CDK14: variants seen among roughly 807,000 people sequenced by gnomAD.
The protein encoded by CDK14 is cyclin-dependent kinase 14.
In CDK14, 34 loss-of-function variants were observed where a neutral mutation model predicts 60.7. The observed-to-expected ratio is 0.56, with a 90% CI of 0.43 to 0.75. The LOEUF (loss-of-function observed/expected upper bound fraction) is 0.75. Ranked by LOEUF, CDK14 falls within the 30% of genes least tolerant of loss-of-function variation. CDK14 has a pLI of 0.00. For missense variants in CDK14, 482 were observed against 564.1 expected (o/e 0.85, Z 1.47); for synonymous variants, 197 against 203.7 (o/e 0.97, Z 0.28).
rs79125184 is a variant in CDK14 at position 91,147,316 on chromosome 7, A to G, written c.*28+29108A>G. 7.9e-3 allele frequency among the ~76,000 whole-genome samples: 1,195 copies of G among 151,932 alleles called. 16 individuals carry two copies. The highest frequency in any genetic ancestry group is 0.027 in the African/African-American group (1,126 of 41,434). Reference sequence around the variant, plus strand: ...TGTACTCTCTCTCTTACTCCGAGATAATTTTCAATATTAGAAAGAAAGTCC... The same window carrying G: ...TGTACTCTCTCTCTTACTCCGAGATGATTTTCAATATTAGAAAGAAAGTCC... On this transcript the variant is annotated intron_variant, in intron 14 of 14. Coordinates refer to ENST00000380050, the MANE Select transcript of CDK14 (RefSeq NM_001287135.2).
chr7:90,924,600 A>G (rs1463789505), intron 8 of CDK14, among the ~76,000 whole-genome samples: 1 of 152,214 alleles, frequency 6.6e-6, no homozygotes, highest in Non-Finnish European at 1.5e-5. Context: ...TAAATGAATT[A>G]TTGCAGTCTA....
intron 8 of CDK14, among the ~76,000 whole-genome samples, chr7:90,947,304 T>A (rs1198024784): frequency 1.3e-5 from 2 of 152,170 alleles, no homozygotes; most frequent in Admixed American, 1.3e-4. Flanking sequence ...TTGGATCTGC[T>A]GGTCTAGGCT....
chr7:91,202,576 G>C (rs1802765984), intron 14 of CDK14, among the ~76,000 whole-genome samples: 1 of 152,156 alleles, frequency 6.6e-6, no homozygotes. Flanking sequence ...TTCATCAAAT[G>C]CATGATTGCA....
chr7:90,970,156 G>A (rs1584182876), intron 9 of CDK14, among the ~76,000 whole-genome samples: 1 of 152,132 alleles, frequency 6.6e-6, no homozygotes, highest in Non-Finnish European at 1.5e-5. Flanking sequence ...AGTAGAGACA[G>A]GGCTTCACCA....
chr7:90,717,918 A>G (rs972359553), intron 2 of CDK14, among the ~76,000 whole-genome samples: 1 of 152,104 alleles, frequency 6.6e-6, no homozygotes, highest in Non-Finnish European at 1.5e-5. Flanking sequence ...AACAGTGCTC[A>G]GCAAAGACGG....
At chr7:90,759,833 T>C (rs1804245217) in intron 4 of CDK14, among the ~76,000 whole-genome samples, 2 of 152,218 alleles carry the variant, frequency 1.3e-5, no homozygotes, top group African/African-American at 4.8e-5. Context: ...GTATTCAGAC[T>C]AAGTTGTCCC....
intron 7 of CDK14, among the ~76,000 whole-genome samples, chr7:90,911,560 A>C (rs1053364235): frequency 6.6e-6 from 1 of 152,166 alleles, no homozygotes; most frequent in Non-Finnish European, 1.5e-5. Context: ...AATCTACAAG[A>C]TATTCACCAC....
chr7:90,881,118 C>T (rs1791736698), intron 6 of CDK14, among the ~76,000 whole-genome samples: 1 of 152,100 alleles, frequency 6.6e-6, no homozygotes, highest in Non-Finnish European at 1.5e-5. Context: ...AAGTAGGCTT[C>T]AGAAGATGGG....
chr7:91,134,808 G>C (rs1411698428), intron 14 of CDK14, among the ~76,000 whole-genome samples: 1 of 151,568 alleles, frequency 6.6e-6, no homozygotes, highest in African/African-American at 2.4e-5. Flanking sequence ...CTAGGAGGCA[G>C]AGGTTACAGT....
At chr7:90,693,746 G>T (rs1356993545) in intron 2 of CDK14, among the ~76,000 whole-genome samples, 1 of 152,160 alleles carries the variant, frequency 6.6e-6, no homozygotes, top group Non-Finnish European at 1.5e-5. Context: ...GTTGCTCTGT[G>T]TATTTATATT....
chr7:90,747,657 G>A (rs1299843591), intron 3 of CDK14, 24 bp from the exon 4 acceptor site: 5 of 1,387,788 alleles, frequency 3.6e-6, no homozygotes, highest in East Asian at 4.9e-5. Flanking sequence ...AATCTGTTTT[G>A]TTTACCCTGT....
chr7:91,068,594 A>G (rs1798045903), intron 11 of CDK14, among the ~76,000 whole-genome samples: 1 of 151,940 alleles, frequency 6.6e-6, no homozygotes, highest in South Asian at 2.1e-4. Flanking sequence ...TTTCTGTCGC[A>G]CTTCATTTCT....
chr7:90,621,422 A>G (rs1307598818), intron 2 of CDK14, among the ~76,000 whole-genome samples: 1 of 151,852 alleles, frequency 6.6e-6, no homozygotes, highest in Non-Finnish European at 1.5e-5. Context: ...TCCTTAAAAT[A>G]CTCTCTTCCC....
chr7:90,771,112 T>G (rs2116892376), intron 4 of CDK14, among the ~76,000 whole-genome samples: 1 of 152,354 alleles, frequency 6.6e-6, no homozygotes, highest in East Asian at 1.9e-4. Flanking sequence ...CCCAGCCTGC[T>G]TCTGTCTATA....
chr7:90,614,205 G>C (rs1799604557), intron 2 of CDK14, among the ~76,000 whole-genome samples: 1 of 151,926 alleles, frequency 6.6e-6, no homozygotes, highest in South Asian at 2.1e-4. Context: ...GGGTTTCACT[G>C]TGTTGGTCAG....
intron 14 of CDK14, among the ~76,000 whole-genome samples, chr7:91,126,949 A>C (rs1387971956): frequency 1.3e-5 from 2 of 152,058 alleles, no homozygotes; most frequent in Non-Finnish European, 2.9e-5. Context: ...AGTGCAGGTC[A>C]AAAAGGCTAG....
At position 90,638,444 on chromosome 7, in the gene CDK14, T is replaced by A. The variant is rs201944338; in HGVS notation, c.123+34195T>A. 9.6e-3 allele frequency among the ~76,000 whole-genome samples: 1,466 copies of A among 152,338 alleles called. 17 individuals carry two copies. The highest frequency in any genetic ancestry group is 0.019 in the East Asian group (100 of 5,188). ...GGTTGAAAATTTTTTTCTTTAAGAA[T>A]GTTGAATATTGGCCCCCACTCTCTT... On this transcript the variant is annotated intron_variant, in intron 2 of 14. Transcript: ENST00000380050.
chr7:90,958,478 TA>T (rs2117578640), intron 9 of CDK14, among the ~76,000 whole-genome samples: 1 of 152,288 alleles, frequency 6.6e-6, no homozygotes, highest in Non-Finnish European at 1.5e-5. Context: ...CATCTGTCAT[TA>T]AGGGGCTGAG....
chr7:90,599,063 A>G (rs1799260639), intron 1 of CDK14, among the ~76,000 whole-genome samples: 1 of 152,160 alleles, frequency 6.6e-6, no homozygotes, highest in African/African-American at 2.4e-5. Context: ...GTGGGATTAT[A>G]TAGTGCATGA....
Sources: gnomAD v4.1 joint callset for allele counts (sites outside exome capture counted in the v4.1 genomes callset) on GRCh38, gnomAD v4.1.1 for gene constraint, MANE v1.5 for transcripts, NCBI Gene and HGNC (gene_info 2026-07-23, HGNC 2026-07-21) for gene names.